Variants in WASHC5 observed in about 807,000 individuals in gnomAD.
WASHC5 encodes WASH complex subunit 5.
WASHC5 carries 101 observed loss-of-function variants against 150.4 expected under a neutral mutation model. That is an observed-to-expected ratio of 0.67 (90% CI 0.57 to 0.79). The LOEUF (loss-of-function observed/expected upper bound fraction) is 0.79, where lower values mean the gene tolerates loss of function less well. Ranked by LOEUF, WASHC5 falls within the 30% of genes least tolerant of loss-of-function variation. The pLI, the probability that WASHC5 is intolerant of heterozygous loss-of-function variation, is 0.00. For missense variants in WASHC5, 1,195 were observed against 1,396.3 expected (o/e 0.86, Z 2.30); for synonymous variants, 467 against 491.2 (o/e 0.95, Z 0.65).
chr8:125,064,452 T>C (rs993029203), intron 10 of WASHC5, among the ~76,000 whole-genome samples: 2 of 151,628 alleles, frequency 1.3e-5, no homozygotes, highest in African/African-American at 4.8e-5. Context: ...AAACTCTTGG[T>C]GTCAAGTGAT....
In WASHC5 at chr8:125,083,939, T is replaced by C. The variant is rs764357168; in HGVS notation, c.-41A>G. 1.9e-6 allele frequency: 3 copies of C among 1,585,708 alleles called. No individual in the cohort carries two copies. The highest frequency in any genetic ancestry group is 1.3e-5 in the African/African-American group (1 of 74,552). ...CTACTCTGTGCCTGGACACTGGGGA[T>C]GATTAACTGGCCTCAGAGCTGGTGT... On this transcript the variant is annotated 5_prime_UTR_variant, in exon 2 of 29. Transcript: ENST00000318410.
intron 11 of WASHC5, among the ~76,000 whole-genome samples, chr8:125,061,879 G>A (rs909945801): frequency 6.6e-6 from 1 of 152,184 alleles, no homozygotes; most frequent in Non-Finnish European, 1.5e-5. Context: ...CAGATAAAGA[G>A]GCTGATGCTC....
chr8:125,036,360 T>C (rs955836316), intron 26 of WASHC5, among the ~76,000 whole-genome samples: 1 of 152,240 alleles, frequency 6.6e-6, no homozygotes, highest in Non-Finnish European at 1.5e-5. Flanking sequence ...AGGTAGACCA[T>C]ACTTTGTTGA....
At chr8:125,048,126 A>T (rs1047336675) in intron 19 of WASHC5, among the ~76,000 whole-genome samples, 2 of 152,244 alleles carry the variant, frequency 1.3e-5, no homozygotes, top group Non-Finnish European at 2.9e-5. Context: ...TGAGGTGACA[A>T]ACGAGAAGCG....
At chr8:125,033,231 G>C (rs1815592236) in intron 26 of WASHC5, among the ~76,000 whole-genome samples, 1 of 152,140 alleles carries the variant, frequency 6.6e-6, no homozygotes, top group South Asian at 2.1e-4. Context: ...TCTCTATACA[G>C]TTTCAATAAT....
chr8:125,055,724 G>A (rs1816384980), intron 16 of WASHC5, 53 bp from the exon 17 acceptor site: 2 of 1,068,800 alleles, frequency 1.9e-6, no homozygotes, highest in South Asian at 2.5e-5. Context: ...GTCCTGGAAT[G>A]AACAAAGATA....
chr8:125,028,676 C>T lies in WASHC5; in HGVS notation c.3367G>A (p.Val1123Met), dbSNP rs1815441653. The T allele has an allele frequency of 6.2e-7, 1 of 1,613,932 alleles. No individual in the cohort carries two copies. Among genetic ancestry groups the T allele is most frequent in the African/African-American group, 1.3e-5 (1 of 75,036 alleles). ...QKIPEIPADV[V>M]GALLFLEDYV... is the part of the protein sequence containing the mutation. ...TCCTCCAGGAACAGAAGGGCACCCA[C>T]AACATCTGCAGGAATTTCAGGTATC... Residue 1123 changes from valine to methionine, a missense_variant, in exon 28 of 29, where the codon GTG becomes ATG. By Grantham distance (21) the Val-to-Met change is conservative. Around this residue, in one of 3 missense-constraint regions of WASHC5, gnomAD observed 997 missense variants for 1,168.1 expected, o/e 0.85. Coordinates refer to ENST00000318410, the MANE Select transcript of WASHC5 (RefSeq NM_014846.4).
rs1262690600 is a variant in WASHC5, at chr8:125,083,210, C to A, written c.235G>T (p.Asp79Tyr). The A allele has an allele frequency of 6.2e-7, 1 of 1,612,524 alleles. No homozygotes were observed. Among genetic ancestry groups the A allele is most frequent in the South Asian group, 1.1e-5 (1 of 91,036 alleles). The change falls in exon 3 of 29, where the codon GAT (aspartate) becomes TAT (tyrosine). Residue 79 changes from aspartate (D) to tyrosine (Y), a missense_variant. This residue lies in a region of WASHC5 where 195 missense variants were observed against 206.9 expected (regional missense o/e 0.94). Transcript: ENST00000318410. ...TTTTCACGAAATTCTTCATCTAAAT[C>A]CTGTAGCTCTGGCTTAGCATCCAGT... ...SKLDAKPELQDLDEEFRENNI... is the reference protein window; with the variant it reads ...SKLDAKPELQYLDEEFRENNI...
chr8:125,054,139 G>A (rs57162779), intron 17 of WASHC5, among the ~76,000 whole-genome samples: 16,558 of 152,112 alleles, frequency 0.11, 2,102 homozygotes, highest in African/African-American at 0.31. Flanking sequence ...GCTCAGAGAC[G>A]TTCATCATGA....
At position 125,076,204 on chromosome 8, in the gene WASHC5, C is replaced by A. The variant is rs577752255; in HGVS notation, c.864+144G>T. On this transcript the variant is annotated intron_variant, in intron 7 of 28. Transcript: ENST00000318410. ...TCCTTCATGTTATAATTATAAAATT[C>A]TCAATACAGTTAGAGCAAGTTTACC... The A allele has an allele frequency of 2.5e-5, 18 of 730,618 alleles. No homozygotes were observed. In the African/African-American group the frequency reaches 3.0e-4, roughly 12 times the overall value. 45.3% of individuals were successfully genotyped at this position (730,618 alleles called of 1,614,324 possible). A position where few individuals can be genotyped will look rare whatever the true frequency, so the allele number is the denominator to read the frequency against.
At position 125,044,091 on chromosome 8, in the gene WASHC5, A is replaced by C. The variant is rs1428087301; in HGVS notation, c.2671T>G (p.Phe891Val). Residue 891 changes from phenylalanine to valine, a missense_variant, in exon 22 of 29, where the codon TTC (phenylalanine) becomes GTC (valine). Transcript: ENST00000318410. ...CFMIVKELQN[F>V]LSMFQKIILR... ...ATAATTTTCTGAAACATACTGAGGAAATTCTAAAAACAAGAAGGCACGGTC... is the reference window on the plus strand; with the variant it reads ...ATAATTTTCTGAAACATACTGAGGACATTCTAAAAACAAGAAGGCACGGTC... The C allele has an allele frequency of 3.7e-6, 6 of 1,602,630 alleles. No individual in the cohort carries two copies. In the Admixed American group the frequency reaches 1.0e-4, roughly 27 times the overall value.
At position 125,079,142 on chromosome 8, in the gene WASHC5, A is replaced by ATATATATAC. The variant is rs1312566224; in HGVS notation, c.519-213_519-212insGTATATATA. On this transcript the variant is annotated intron_variant, in intron 5 of 28. Coordinates refer to ENST00000318410, the MANE Select transcript of WASHC5 (RefSeq NM_014846.4). Reference sequence around the variant, plus strand: ...TATATATATATATATATATATATACATTTTTTTTTGAGATGGAGTCTCGCT... The same window carrying ATATATATAC: ...TATATATATATATATATATATATACATATATATACTTTTTTTTTGAGATGGAGTCTCGCT... 1.9e-3 allele frequency among the ~76,000 whole-genome samples: 207 copies of ATATATATAC among 108,122 alleles called. 2 individuals are homozygous for ATATATATAC. Among genetic ancestry groups the ATATATATAC allele is most frequent in the African/African-American group, 0.011 (196 of 17,260 alleles). The allele number at this position is 108,122 out of a possible 152,430, so 70.9% of individuals were successfully genotyped here.
chr8:125,063,829 A>G (rs927230071), intron 10 of WASHC5, among the ~76,000 whole-genome samples, 178 bp from the exon 11 acceptor site: 1 of 152,208 alleles, frequency 6.6e-6, no homozygotes, highest in African/African-American at 2.4e-5. Flanking sequence ...TCAGGGACAA[A>G]GCCAGACCAC....
chr8:125,033,386 A>T (rs1009377954), intron 26 of WASHC5, among the ~76,000 whole-genome samples: 2 of 152,220 alleles, frequency 1.3e-5, no homozygotes, highest in African/African-American at 4.8e-5. Flanking sequence ...AATGGTACTG[A>T]AACTGGATAG....
At chr8:125,031,507 GACCTCAAGTAATCT>G (rs1815533817) in intron 27 of WASHC5, among the ~76,000 whole-genome samples, 2 of 152,080 alleles carry the variant, frequency 1.3e-5, no homozygotes, top group African/African-American at 4.8e-5. Flanking sequence ...CTGAACTCCT[GACCTCAAGTAATCT>G]ACCCAAAGTG....
chr8:125,080,064 T>C lies in WASHC5; in HGVS notation c.519-1134A>G, dbSNP rs559008610. ...AGGTCTGTGATTTTTCCGGGTGGAA[T>C]AGTAAGCTCTGAAAGAAATGAACTA... On this transcript the variant is annotated intron_variant, in intron 5 of 28. Coordinates refer to ENST00000318410, the MANE Select transcript of WASHC5 (RefSeq NM_014846.4). 6.6e-5 allele frequency among the ~76,000 whole-genome samples: 10 copies of C among 152,346 alleles called. No individual in the cohort carries two copies. In the South Asian group the frequency reaches 1.2e-3, roughly 19 times the overall value.
chr8:125,044,173 T>G, intron 21 of WASHC5, 79 bp from the exon 22 acceptor site: 1 of 966,886 alleles, frequency 1.0e-6, no homozygotes, highest in Non-Finnish European at 1.6e-6. Flanking sequence ...TAAAATGCTA[T>G]GCAGAACAGA....
chr8:125,054,706 C>A (rs564842552), intron 17 of WASHC5, among the ~76,000 whole-genome samples: 28 of 152,028 alleles, frequency 1.8e-4, no homozygotes, highest in African/African-American at 6.8e-4. Context: ...GTAGTCCCAG[C>A]TACTCGGGAG....
At chr8:125,032,546 G>T in intron 26 of WASHC5, 152 bp from the exon 27 acceptor site, 1 of 876,730 alleles carries the variant, frequency 1.1e-6, no homozygotes, top group Non-Finnish European at 1.9e-6. Flanking sequence ...GCCATATTTT[G>T]AATTAGCCAC....
Sources: allele counts gnomAD v4.1 joint callset (sites outside exome capture counted in the v4.1 genomes callset), GRCh38; gene constraint gnomAD v4.1.1; regional missense constraint gnomAD v4.1.1; transcripts MANE v1.5; gene names NCBI Gene and HGNC (gene_info 2026-07-23, HGNC 2026-07-21).